Variants in CTNNA3 observed in about 807,000 individuals in gnomAD.
CTNNA3 encodes the protein catenin alpha-3.
CTNNA3 carries 76 observed loss-of-function variants against 95.7 expected under a neutral mutation model. That is an observed-to-expected ratio of 0.79 (90% CI 0.66 to 0.96). CTNNA3 has a LOEUF of 0.96. CTNNA3 is among the 40% of genes least tolerant of loss of function. The pLI is 0.00. For missense variants in CTNNA3, 1,191 were observed against 1,089.8 expected, an observed-to-expected ratio of 1.09 and a Z score of -1.31; for synonymous variants, 431 against 374.4, an observed-to-expected ratio of 1.15 and a Z score of -1.74.
intron 7 of CTNNA3, among the ~76,000 whole-genome samples, chr10:66,868,110 A>G (rs1844252619): frequency 6.6e-6 from 1 of 150,394 alleles, no homozygotes; most frequent in Non-Finnish European, 1.5e-5. Flanking sequence ...TAATCCCAGC[A>G]CTTTGGGAGG....
intron 15 of CTNNA3, among the ~76,000 whole-genome samples, chr10:65,997,764 C>A (rs1044517427): frequency 6.6e-6 from 1 of 152,126 alleles, no homozygotes; most frequent in Admixed American, 6.5e-5. Flanking sequence ...TGCCTGTAAT[C>A]CCAGCACTTT....
intron 3 of CTNNA3, among the ~76,000 whole-genome samples, chr10:67,543,453 C>T (rs1441994154): frequency 1.3e-5 from 2 of 151,908 alleles, no homozygotes; most frequent in Non-Finnish European, 2.9e-5. Context: ...AGTTCCTTTG[C>T]TTCATTTAAA....
intron 5 of CTNNA3, among the ~76,000 whole-genome samples, chr10:67,313,470 T>A (rs1274411140): frequency 6.6e-6 from 1 of 151,844 alleles, no homozygotes; most frequent in Non-Finnish European, 1.5e-5. Flanking sequence ...AAATAAACTT[T>A]AGCATTTCTC....
chr10:67,005,580 A>T (rs1166011512), intron 7 of CTNNA3, among the ~76,000 whole-genome samples: 1 of 151,742 alleles, frequency 6.6e-6, no homozygotes, highest in African/African-American at 2.4e-5. Flanking sequence ...AGGTGAATAT[A>T]TCTGATGAAT....
chr10:66,931,816 A>G (rs1427944432), intron 7 of CTNNA3, among the ~76,000 whole-genome samples: 2 of 152,240 alleles, frequency 1.3e-5, no homozygotes, highest in East Asian at 3.8e-4. Context: ...AAAGCGAGTA[A>G]TAACGCAATA....
intron 3 of CTNNA3, among the ~76,000 whole-genome samples, chr10:67,586,307 T>C (rs1377478374): frequency 1.3e-5 from 2 of 152,156 alleles, no homozygotes; most frequent in African/African-American, 4.8e-5. Flanking sequence ...AGTTGTTGGG[T>C]AGAGTGTTCT....
intron 10 of CTNNA3, among the ~76,000 whole-genome samples, chr10:66,550,457 C>A (rs1842180191): frequency 4.6e-5 from 7 of 152,072 alleles, no homozygotes; most frequent in Admixed American, 3.9e-4. Flanking sequence ...CCTAATTTAG[C>A]AAAAATCGTT....
At chr10:67,060,670 C>G (rs901024051) in intron 7 of CTNNA3, among the ~76,000 whole-genome samples, 3 of 151,140 alleles carry the variant, frequency 2.0e-5, no homozygotes, top group Non-Finnish European at 4.4e-5. Context: ...GTTCCTGTCT[C>G]TCTCTCTCTC....
chr10:67,282,247 T>C lies in CTNNA3; in HGVS notation c.580-62377A>G, dbSNP rs555172920. On this transcript the variant is annotated intron_variant, in intron 5 of 17. Coordinates refer to ENST00000433211, the MANE Select transcript of CTNNA3 (RefSeq NM_013266.4). ...AACTCTATATTGAATCCCTACTATA[T>C]GTCAGACACTGCTAGTCTTGAACAT... is the stretch of plus-strand genomic sequence containing the variant. Among the ~76,000 whole-genome samples, 5 of 152,308 alleles carry C rather than the reference T, an allele frequency of 3.3e-5. 1 individual carries two copies. In the South Asian group the frequency reaches 1.0e-3, roughly 32 times the overall value.
At chr10:66,736,413 G>C (rs1346420851) in intron 9 of CTNNA3, among the ~76,000 whole-genome samples, 1 of 150,960 alleles carries the variant, frequency 6.6e-6, no homozygotes, top group South Asian at 2.1e-4. Context: ...GGCTGGTCTC[G>C]AACTCCTGAG....
chr10:67,510,592 T>C (rs759645127), intron 5 of CTNNA3, among the ~76,000 whole-genome samples: 1 of 152,214 alleles, frequency 6.6e-6, no homozygotes, highest in Admixed American at 6.5e-5. Flanking sequence ...TTTTGGTTAC[T>C]GCAGCCTTGT....
intron 13 of CTNNA3, among the ~76,000 whole-genome samples, chr10:66,121,843 CA>C (rs200577004): frequency 0.017 from 2,500 of 150,892 alleles, 42 homozygotes; most frequent in South Asian, 0.057. Context: ...GACCCTGTCT[CA>C]AAAAAAAAGT....
chr10:66,191,423 C>A (rs2086660925), intron 13 of CTNNA3, among the ~76,000 whole-genome samples: 1 of 152,074 alleles, frequency 6.6e-6, no homozygotes, highest in Non-Finnish European at 1.5e-5. Context: ...CATCCTTTAA[C>A]TTCCAAGGTG....
intron 9 of CTNNA3, among the ~76,000 whole-genome samples, chr10:66,642,003 G>T (rs1044810617): frequency 6.6e-6 from 1 of 152,022 alleles, no homozygotes; most frequent in Admixed American, 6.6e-5. Context: ...TGAGCCTGTT[G>T]CCTTCTTCTG....
intron 5 of CTNNA3, among the ~76,000 whole-genome samples, chr10:67,408,592 G>A (rs1397989090): frequency 6.6e-6 from 1 of 152,008 alleles, no homozygotes; most frequent in Non-Finnish European, 1.5e-5. Context: ...AACTCAAGAT[G>A]AATTAAAGAC....
chr10:67,252,942 C>T lies in CTNNA3; in HGVS notation c.580-33072G>A, dbSNP rs1359781449. On this transcript the variant is annotated intron_variant, in intron 5 of 17. Transcript: ENST00000433211. ...AGGTATGACAACCAAACTAGAATTT[C>T]TTTCTCCTTCTTCACAATTTAATGG... Among the ~76,000 whole-genome samples the T allele has an allele frequency of 2.0e-5, 3 of 152,270 alleles. No individual in the cohort carries two copies. In the East Asian group the frequency reaches 5.8e-4, roughly 29 times the overall value.
chr10:67,619,276 G>A (rs1843751529), intron 2 of CTNNA3, among the ~76,000 whole-genome samples: 1 of 152,116 alleles, frequency 6.6e-6, no homozygotes, highest in African/African-American at 2.4e-5. Context: ...GACATGTAAA[G>A]CAATGGAATA....
At chr10:66,663,413 CACTT>C (rs780392426) in intron 9 of CTNNA3, among the ~76,000 whole-genome samples, 4 of 151,148 alleles carry the variant, frequency 2.6e-5, no homozygotes, top group Admixed American at 6.6e-5. Flanking sequence ...ATGACTTTCT[CACTT>C]AGTTTCTTAC....
rs114332652 is a variant in CTNNA3 at position 66,039,049 on chromosome 10, T to A, written c.2159+30259A>T. On this transcript the variant is annotated intron_variant, in intron 15 of 17. Transcript: ENST00000433211. ...GCTGATAAACAACTTTGGGAAAGTT[T>A]CAGCATATAAAATCAATGTACAAAA... Among the ~76,000 whole-genome samples, 1,250 of 152,260 alleles carry A rather than the reference T, an allele frequency of 8.2e-3. 14 individuals are homozygous for A. Among genetic ancestry groups the A allele is most frequent in the African/African-American group, 0.029 (1,190 of 41,542 alleles).
Sources: allele counts gnomAD v4.1 joint callset (sites outside exome capture counted in the v4.1 genomes callset), GRCh38; gene constraint gnomAD v4.1.1; transcripts MANE v1.5; gene names NCBI Gene and HGNC (gene_info 2026-07-23, HGNC 2026-07-21).